Variants in TSGA10 observed in about 807,000 individuals in gnomAD.
TSGA10 encodes testis-specific gene 10 protein.
TSGA10 carries 43 observed loss-of-function variants against 96.6 expected under a neutral mutation model. That is an observed-to-expected ratio of 0.44 (90% CI 0.35 to 0.57). The LOEUF is 0.57. Ranked by LOEUF, TSGA10 falls within the 20% of genes least tolerant of loss-of-function variation. TSGA10 has a pLI of 0.01. For missense variants in TSGA10, 703 were observed against 834.4 expected, an observed-to-expected ratio of 0.84 and a Z score of 1.94; for synonymous variants, 229 against 269.9, an observed-to-expected ratio of 0.85 and a Z score of 1.48.
intron 17 of TSGA10, among the ~76,000 whole-genome samples, chr2:99,029,741 T>A (rs932695751): frequency 1.3e-5 from 2 of 152,074 alleles, no homozygotes; most frequent in East Asian, 3.9e-4. Context: ...AGAGGGGAAA[T>A]CCCTCTACTT....
intron 12 of TSGA10, among the ~76,000 whole-genome samples, chr2:99,074,029 T>TTTTTTTTTTTTTTTTTTTTG (rs1241657890): frequency 6.6e-5 from 9 of 136,800 alleles, no homozygotes; most frequent in African/African-American, 1.7e-4. Flanking sequence ...TTTTTTTTTT[T>TTTTTTTTTTTTTTTTTTTTG]GAGATGGAGT....
At chr2:99,086,525 T>G (rs2088416314) in intron 10 of TSGA10, among the ~76,000 whole-genome samples, 1 of 152,220 alleles carries the variant, frequency 6.6e-6, no homozygotes, top group South Asian at 2.1e-4. Context: ...AATAAGCATT[T>G]GACAAAATCC....
In TSGA10 at chr2:99,108,851, G is replaced by T; in HGVS notation, c.192C>A (p.Ile64=). 1 of 1,576,228 alleles carries T rather than the reference G, an allele frequency of 6.3e-7. No homozygotes were observed. Among genetic ancestry groups the T allele is most frequent in the Admixed American group, 2.1e-5 (1 of 48,758 alleles). ...AGTTTACCTGTTCATAAAGAAGGAAGATCTTGTCTCTCTCAGATTTAAGAA... is the reference window on the plus strand; with the variant it reads ...AGTTTACCTGTTCATAAAGAAGGAATATCTTGTCTCTCTCAGATTTAAGAA... ...VKVLKSERDK[I]FLLYEQAQEE... The change falls in exon 7 of 21, where the codon ATC becomes ATA. Residue 64 remains isoleucine (I), a synonymous_variant. Transcript: ENST00000393483.
In TSGA10 at chr2:99,105,560, G is replaced by A; in HGVS notation, c.348C>T (p.Thr116=). 1 of 1,611,996 alleles carries A rather than the reference G, an allele frequency of 6.2e-7. No homozygotes were observed. Among genetic ancestry groups the A allele is most frequent in the South Asian group, 1.1e-5 (1 of 91,028 alleles). ...TCTCCCTTAGACTATCTCGTTCTGT[G>A]GTCATTCTTCGTAAATCAGTAAAGG... The part of the protein sequence containing the change: ...DVAFTDLRRM[T]TERDSLRERL... Residue 116 remains threonine (T), a synonymous_variant, in exon 8 of 21, where the codon ACC becomes ACT. Coordinates refer to ENST00000393483, the MANE Select transcript of TSGA10 (RefSeq NM_025244.4).
chr2:99,031,028 T>C lies in TSGA10; in HGVS notation c.1614+4202A>G, dbSNP rs1042979550. On this transcript the variant is annotated intron_variant, in intron 17 of 20. Coordinates refer to ENST00000393483, the MANE Select transcript of TSGA10 (RefSeq NM_025244.4). ...ATGTGAAAAATCAAAGAGATTAGAA[T>C]ACCTAAAACAATTTTGAAAAAAAAA... 4.3e-4 allele frequency among the ~76,000 whole-genome samples: 65 copies of C among 151,064 alleles called. 3 individuals are homozygous for C. Among genetic ancestry groups the C allele is most frequent in the Non-Finnish European group, 3.0e-5 (2 of 67,794 alleles).
rs1247429365 is a variant in TSGA10, at chr2:99,069,017, T to C, written c.1108-19A>G. 31 of 1,296,022 alleles carry C rather than the reference T, an allele frequency of 2.4e-5. No homozygotes were observed. Among genetic ancestry groups the C allele is most frequent in the Non-Finnish European group, 3.1e-5 (30 of 968,082 alleles). 80.3% of individuals were successfully genotyped at this position (1,296,022 alleles called of 1,614,324 possible). A position where few individuals can be genotyped will look rare whatever the true frequency, so the allele number is the denominator to read the frequency against. On this transcript the variant is annotated intron_variant, in intron 14 of 20. Transcript: ENST00000393483. The stretch of plus-strand genomic sequence containing the variant: ...ACAGTGCCTACGAAAAAAAGATAGG[T>C]ATATTTGACTATGAAAAATAAAAAA...
chr2:99,074,351 C>CGTGTGTGTGTGTGTGT (rs147220063), intron 12 of TSGA10, among the ~76,000 whole-genome samples: 4,993 of 145,068 alleles, frequency 0.034, 102 homozygotes, highest in East Asian at 0.074. Flanking sequence ...CACATATTTG[C>CGTGTGTGTGTGTGTGT]GTGTGTGTGT....
chr2:99,002,131 G>A (rs1254397397), intron 20 of TSGA10, among the ~76,000 whole-genome samples: 3 of 152,126 alleles, frequency 2.0e-5, no homozygotes, highest in Non-Finnish European at 4.4e-5. Context: ...AGGAAATACA[G>A]AGAACGCTAC....
At chr2:99,083,018 G>A (rs1037260683) in intron 10 of TSGA10, among the ~76,000 whole-genome samples, 9 of 151,956 alleles carry the variant, frequency 5.9e-5, no homozygotes, top group Non-Finnish European at 5.9e-5. Context: ...CAGATCAGAG[G>A]TCCTATATTA....
intron 7 of TSGA10, among the ~76,000 whole-genome samples, chr2:99,107,420 T>C (rs1282807035): frequency 6.6e-6 from 1 of 152,132 alleles, no homozygotes; most frequent in Non-Finnish European, 1.5e-5. Flanking sequence ...ATTGTAAAAT[T>C]GTAAAAATGA....
At chr2:99,003,361 A>C (rs1309116038) in intron 20 of TSGA10, among the ~76,000 whole-genome samples, 1 of 152,224 alleles carries the variant, frequency 6.6e-6, no homozygotes, top group Non-Finnish European at 1.5e-5. Flanking sequence ...GGGGACTTTA[A>C]CACCCCACTG....
intron 1 of TSGA10, among the ~76,000 whole-genome samples, chr2:99,129,823 T>C (rs1476429571): frequency 2.0e-5 from 3 of 152,200 alleles, no homozygotes; most frequent in Non-Finnish European, 4.4e-5. Context: ...GTATATGATG[T>C]TCCCCTCCCT....
intron 1 of TSGA10, among the ~76,000 whole-genome samples, chr2:99,133,582 T>C (rs1481464823): frequency 6.6e-6 from 1 of 152,252 alleles, no homozygotes; most frequent in African/African-American, 2.4e-5. Flanking sequence ...TTAGCCCATT[T>C]ACATTTAAGG....
At chr2:99,141,818 C>T (rs1284134557) in intron 1 of TSGA10, 3 of 152,474 alleles carry the variant, frequency 2.0e-5, no homozygotes, top group African/African-American at 7.2e-5. Context: ...TTCGGTGAAC[C>T]GGTTACTCTC....
intron 17 of TSGA10, among the ~76,000 whole-genome samples, chr2:99,023,102 T>C (rs2080197123): frequency 6.6e-6 from 1 of 151,930 alleles, no homozygotes; most frequent in Non-Finnish European, 1.5e-5. Flanking sequence ...CTCACTGAAG[T>C]AAACCTCCCA....
rs1054980083 is a variant in TSGA10, at chr2:99,100,996, G to T, written c.611+2971C>A. Among the ~76,000 whole-genome samples, 4 of 149,548 alleles carry T rather than the reference G, an allele frequency of 2.7e-5. No individual in the cohort carries two copies. In the East Asian group the frequency reaches 6.0e-4, roughly 22 times the overall value. On this transcript the variant is annotated intron_variant, in intron 10 of 20. Coordinates refer to ENST00000393483, the MANE Select transcript of TSGA10 (RefSeq NM_025244.4). ...AGCATAAATTAGGCTGGGCGCGGTG[G>T]CTCACGCCTGTAATCCCAGCACTTT... is the stretch of plus-strand genomic sequence containing the variant.
intron 1 of TSGA10, among the ~76,000 whole-genome samples, chr2:99,131,740 G>T (rs565287514): frequency 6.6e-6 from 1 of 152,282 alleles, no homozygotes; most frequent in South Asian, 2.1e-4. Flanking sequence ...CATTCAGTAT[G>T]ATATTGGCTA....
At chr2:99,086,416 AGGTT>A (rs1049122772) in intron 10 of TSGA10, among the ~76,000 whole-genome samples, 20 of 152,340 alleles carry the variant, frequency 1.3e-4, no homozygotes, top group African/African-American at 4.3e-4. Context: ...CAGGCATGCC[AGGTT>A]GGTTTACAAT....
At chr2:99,144,227 TA>T (rs1021866550) in intron 1 of TSGA10, among the ~76,000 whole-genome samples, 1 of 151,838 alleles carries the variant, frequency 6.6e-6, no homozygotes, top group African/African-American at 2.4e-5. Flanking sequence ...TTCACTGTGT[TA>T]GCCAGGATGA....
Sources: allele counts gnomAD v4.1 joint callset (sites outside exome capture counted in the v4.1 genomes callset), GRCh38; gene constraint gnomAD v4.1.1; transcripts MANE v1.5; gene names NCBI Gene and HGNC (gene_info 2026-07-23, HGNC 2026-07-21).